CNGB1: variants seen among roughly 807,000 people sequenced by gnomAD.
CNGB1 encodes the protein cyclic nucleotide-gated channel beta-1.
In CNGB1, 126 loss-of-function variants were observed where a neutral mutation model predicts 151.7. That is an observed-to-expected ratio of 0.83 (90% CI 0.72 to 0.96). The LOEUF (loss-of-function observed/expected upper bound fraction) is 0.96. Among genes scored for constraint, CNGB1 ranks in the 40% least tolerant of loss-of-function variants. CNGB1 has a pLI of 0.00. For missense variants in CNGB1, 1,698 were observed against 1,627.0 expected (o/e 1.04, Z -0.75); for synonymous variants, 623 against 635.1 (o/e 0.98, Z 0.29).
At position 57,913,312 on chromosome 16, in the gene CNGB1, T is replaced by C. The variant is rs546644989; in HGVS notation, c.2305-318A>G. The stretch of plus-strand genomic sequence containing the variant: ...ACTTTTAGGGGTACATGCATCCAGG[T>C]TAAAGCTGCTGTTTTTAATGTTTCT... On this transcript the variant is annotated intron_variant, in intron 23 of 32. Coordinates refer to ENST00000251102, the MANE Select transcript of CNGB1 (RefSeq NM_001297.5). 2.0e-5 allele frequency among the ~76,000 whole-genome samples: 3 copies of C among 152,304 alleles called. No homozygotes were observed. The South Asian group carries it at 6.2e-4, about 32-fold the overall frequency.
chr16:57,964,161 C>G lies in CNGB1; in HGVS notation c.259G>C (p.Ala87Pro). Reference protein sequence around the residue: ...AALTSTISLRAQGAEISEMNS... With the variant: ...AALTSTISLRPQGAEISEMNS... The stretch of plus-strand genomic sequence containing the variant: ...ATTTCAGAAATCTCAGCGCCCTGGG[C>G]CCGGAGGGATATGGTGGAAGTAAGG... Residue 87 changes from alanine to proline, a missense_variant, in exon 4 of 33, where the codon GCC becomes CCC. Transcript: ENST00000251102. 6.2e-7 allele frequency: 1 copy of G among 1,614,164 alleles called. No homozygotes were observed. Among genetic ancestry groups the G allele is most frequent in the Non-Finnish European group, 8.5e-7 (1 of 1,180,016 alleles).
At chr16:57,910,118 A>C (rs544953155) in intron 25 of CNGB1, among the ~76,000 whole-genome samples, 2 of 152,332 alleles carry the variant, frequency 1.3e-5, no homozygotes, top group African/African-American at 2.4e-5. Context: ...GGCTTTCCCG[A>C]GTTACCTGAA....
At chr16:57,906,926 C>T (rs1960566946) in intron 25 of CNGB1, among the ~76,000 whole-genome samples, 1 of 152,024 alleles carries the variant, frequency 6.6e-6, no homozygotes, top group Non-Finnish European at 1.5e-5. Context: ...GGATGCAGGG[C>T]CTAGCATTTG....
At chr16:57,919,433 A>G (rs546206167) in intron 19 of CNGB1, among the ~76,000 whole-genome samples, 179 bp from the exon 20 acceptor site, 1 of 152,272 alleles carries the variant, frequency 6.6e-6, no homozygotes, top group African/African-American at 2.4e-5. Flanking sequence ...TGAACTCCAC[A>G]ACCCTCCTCA....
Position 57,904,845 on chromosome 16 carries a change from C to T in CNGB1, c.2523G>A (p.Lys841=). The change falls in exon 26 of 33, where the codon AAG becomes AAA. Residue 841 remains lysine (K), a synonymous_variant. Coordinates refer to ENST00000251102, the MANE Select transcript of CNGB1 (RefSeq NM_001297.5). ...GCAGCCCCCCGATGGTGATGAGGGTCTTCACAGCAAAGTAGTAACAGCGAA... is the reference window on the plus strand; with the variant it reads ...GCAGCCCCCCGATGGTGATGAGGGTTTTCACAGCAAAGTAGTAACAGCGAA... ...SYIRCYYFAV[K]TLITIGGLPD... is the part of the protein sequence containing the mutation. The T allele has an allele frequency of 6.2e-7, 1 of 1,614,142 alleles. No homozygotes were observed. Among genetic ancestry groups the T allele is most frequent in the Non-Finnish European group, 8.5e-7 (1 of 1,180,028 alleles).
In CNGB1 at chr16:57,904,886, A is replaced by G. The variant is rs199851973; in HGVS notation, c.2493-11T>C. ...TAACAGCGAATATAACTGGAGAGAG[A>G]GGAGAAAGGGAACATGGGTCATCAC... On this transcript the variant is annotated splice_polypyrimidine_tract_variant and intron_variant, in intron 25 of 32. Coordinates refer to ENST00000251102, the MANE Select transcript of CNGB1 (RefSeq NM_001297.5). 1.4e-5 allele frequency: 22 copies of G among 1,614,134 alleles called. No individual in the cohort carries two copies. The East Asian group carries it at 3.8e-4, about 28-fold the overall frequency.
intron 16 of CNGB1, among the ~76,000 whole-genome samples, chr16:57,937,954 G>T (rs1961556684): frequency 6.6e-6 from 1 of 152,226 alleles, no homozygotes; most frequent in Non-Finnish European, 1.5e-5. Context: ...GAGGACCAGG[G>T]CTCAAGGCTA....
At chr16:57,905,099 T>A (rs1960510440) in intron 25 of CNGB1, among the ~76,000 whole-genome samples, 2 of 152,168 alleles carry the variant, frequency 1.3e-5, no homozygotes, top group South Asian at 4.1e-4. Flanking sequence ...TCTAGGGACA[T>A]GTTGCCATCC....
At chr16:57,954,809 CGAG>C (rs1304355159) in intron 12 of CNGB1, 20 of 990,264 alleles carry the variant, frequency 2.0e-5, no homozygotes, top group Non-Finnish European at 2.4e-5. Flanking sequence ...TGTATCCTGT[CGAG>C]GTGCTGACGG....
intron 19 of CNGB1, among the ~76,000 whole-genome samples, chr16:57,919,462 G>T (rs1274144040): frequency 1.3e-5 from 2 of 152,156 alleles, no homozygotes; most frequent in East Asian, 3.9e-4. Flanking sequence ...AGCAACCTGG[G>T]TGCCCACCCA....
chr16:57,897,360 T>C, intron 31 of CNGB1, 37 bp downstream of exon 31: 1 of 1,611,848 alleles, frequency 6.2e-7, no homozygotes, highest in Admixed American at 1.7e-5. Flanking sequence ...TCATTGTCCT[T>C]AGCAATTTTT....
At chr16:57,966,327 T>C (rs1962399000) in intron 2 of CNGB1, among the ~76,000 whole-genome samples, 1 of 152,230 alleles carries the variant, frequency 6.6e-6, no homozygotes. Context: ...CCTATTCATC[T>C]TTATGCTTTC....
Position 57,882,792 on chromosome 16 carries a change from C to CTT in CNGB1, c.*1370_*1371dup, listed in dbSNP as rs1959792166. 1 of 136,974 alleles carries CTT rather than the reference C, an allele frequency of 7.3e-6. No individual in the cohort carries two copies. Among genetic ancestry groups the CTT allele is most frequent in the African/African-American group, 2.7e-5 (1 of 37,286 alleles). The allele number at this position is 136,974 out of a possible 1,614,324, so 8.5% of individuals were successfully genotyped here. A position where few individuals can be genotyped will look rare whatever the true frequency, so the allele number is the denominator to read the frequency against. ...GAATGACCCTTTTTTCTTTTTTTTTCTTTTTTCTTTTTTTTTTTTTGTCTG... is the reference window on the plus strand; with the variant it reads ...GAATGACCCTTTTTTCTTTTTTTTTCTTTTTTTTCTTTTTTTTTTTTTGTCTG... On this transcript the variant is annotated 3_prime_UTR_variant, in exon 33 of 33. Coordinates refer to ENST00000251102, the MANE Select transcript of CNGB1 (RefSeq NM_001297.5).
chr16:57,891,473 T>C (rs1446144422), intron 31 of CNGB1, among the ~76,000 whole-genome samples: 4 of 152,146 alleles, frequency 2.6e-5, no homozygotes, highest in African/African-American at 7.2e-5. Flanking sequence ...GTCACTGCAC[T>C]CCAGCCTGGG....
intron 19 of CNGB1, 144 bp downstream of exon 19, chr16:57,920,243 C>A: frequency 1.1e-6 from 1 of 905,116 alleles, no homozygotes; most frequent in Non-Finnish European, 1.7e-6. Context: ...ACATATGGAT[C>A]CCAAATCCAG....
At position 57,959,131 on chromosome 16, in the gene CNGB1, C is replaced by T. The variant is rs183069533; in HGVS notation, c.762-646G>A. ...TATTTATCCTCCAGATTTACTTGTG[C>T]GTGAACCCAATGATGCATGCACGGG... On this transcript the variant is annotated intron_variant, in intron 10 of 32. Coordinates refer to ENST00000251102, the MANE Select transcript of CNGB1 (RefSeq NM_001297.5). Among the ~76,000 whole-genome samples, 52 of 152,030 alleles carry T rather than the reference C, an allele frequency of 3.4e-4. No homozygotes were observed. The South Asian group carries it at 7.3e-3, about 21-fold the overall frequency.
intron 25 of CNGB1, among the ~76,000 whole-genome samples, chr16:57,906,698 C>T (rs888003435): frequency 6.6e-6 from 1 of 152,216 alleles, no homozygotes; most frequent in African/African-American, 2.4e-5. Flanking sequence ...CTCGGCTGTC[C>T]GGGAGCTGGG....
chr16:57,934,170 G>A (rs539201183), intron 16 of CNGB1, among the ~76,000 whole-genome samples: 28 of 152,280 alleles, frequency 1.8e-4, no homozygotes, highest in Admixed American at 8.5e-4. Context: ...AAAATGTAAA[G>A]GGGGCCAGGC....
chr16:57,912,552 C>T (rs1244140714), intron 24 of CNGB1, among the ~76,000 whole-genome samples: 1 of 151,618 alleles, frequency 6.6e-6, no homozygotes, highest in African/African-American at 2.4e-5. Context: ...GCTGTCTGTT[C>T]TAGGTGCAAA....
Sources: gnomAD v4.1 joint callset for allele counts (sites outside exome capture counted in the v4.1 genomes callset) on GRCh38, gnomAD v4.1.1 for gene constraint, MANE v1.5 for transcripts, NCBI Gene and HGNC (gene_info 2026-07-23, HGNC 2026-07-21) for gene names.